The following LEKR1 variants were observed in gnomAD, a reference collection of about 807,000 sequenced individuals.
The protein encoded by LEKR1 is leucine, glutamate and lysine rich 1.
A neutral mutation model predicts 72.4 loss-of-function variants in LEKR1; 59 were observed. The observed-to-expected ratio is 0.82, with a 90% CI of 0.66 to 1.01. LEKR1 has a LOEUF of 1.01. Among genes scored for constraint, LEKR1 ranks in the 50% least tolerant of loss-of-function variants. The probability of loss-of-function intolerance (pLI) is 0.00; values close to 1 mark genes in which losing one functional copy is unlikely to be tolerated. For synonymous variants in LEKR1, 257 were observed against 263.2 expected (o/e 0.98, Z 0.23); for missense variants, 728 against 759.2 (o/e 0.96, Z 0.48).
At chr3:157,031,004 T>G (rs937293342) in intron 12 of LEKR1, among the ~76,000 whole-genome samples, 1 of 152,148 alleles carries the variant, frequency 6.6e-6, no homozygotes, top group African/African-American at 2.4e-5. Flanking sequence ...TCTGCTGTAT[T>G]CCATTTATTA....
rs1255043935 is a variant in LEKR1 at position 157,028,040 on chromosome 3, A to G, written c.1369-63A>G. 7.9e-6 allele frequency: 9 copies of G among 1,135,890 alleles called. No individual in the cohort carries two copies. The East Asian group carries it at 9.5e-5, about 12-fold the overall frequency. The allele number at this position is 1,135,890 out of a possible 1,614,324, so 70.4% of individuals were successfully genotyped here. On this transcript the variant is annotated intron_variant, in intron 11 of 12. Coordinates refer to ENST00000356539, the MANE Select transcript of LEKR1 (RefSeq NM_001004316.3). ...AATGAAAATAAACCTCTTAAAAACC[A>G]TAAGAATTCTGTGGTTACCTAGAAA... is the stretch of plus-strand genomic sequence containing the variant.
chr3:157,023,934 T>C (rs1010107731), intron 10 of LEKR1, among the ~76,000 whole-genome samples: 2 of 152,122 alleles, frequency 1.3e-5, no homozygotes, highest in East Asian at 1.9e-4. Flanking sequence ...AAGTCAAAAA[T>C]GGGTAATCTG....
chr3:156,863,222 T>C (rs1236243018), intron 3 of LEKR1, among the ~76,000 whole-genome samples: 1 of 152,014 alleles, frequency 6.6e-6, no homozygotes, highest in Non-Finnish European at 1.5e-5. Context: ...GTAATTAGGC[T>C]CTGGTGAGAA....
At chr3:157,038,908 C>G (rs1003954854) in intron 12 of LEKR1, among the ~76,000 whole-genome samples, 2 of 152,164 alleles carry the variant, frequency 1.3e-5, no homozygotes, top group African/African-American at 4.8e-5. Flanking sequence ...TCAGTTCAGT[C>G]AGATTTTATC....
At chr3:156,860,492 GA>G (rs1560031800) in intron 3 of LEKR1, among the ~76,000 whole-genome samples, 1 of 152,156 alleles carries the variant, frequency 6.6e-6, no homozygotes, top group Non-Finnish European at 1.5e-5. Context: ...TCAGCCCAAG[GA>G]TAGGGCTACC....
At chr3:156,932,618 C>T (rs770221369) in intron 5 of LEKR1, among the ~76,000 whole-genome samples, 11 of 147,490 alleles carry the variant, frequency 7.5e-5, no homozygotes, top group Non-Finnish European at 1.3e-4. Flanking sequence ...GAGGCTGAGG[C>T]ATGAGAATTG....
At chr3:156,842,184 A>G (rs1327356223) in intron 2 of LEKR1, among the ~76,000 whole-genome samples, 1 of 152,204 alleles carries the variant, frequency 6.6e-6, no homozygotes, top group East Asian at 1.9e-4. Context: ...TTAGATATAT[A>G]GCTTATAGTG....
chr3:156,839,881 A>T (rs1692340973), intron 2 of LEKR1, among the ~76,000 whole-genome samples: 1 of 152,208 alleles, frequency 6.6e-6, no homozygotes, highest in Admixed American at 6.5e-5. Flanking sequence ...AAAGCAAAAA[A>T]GTTCGACAGA....
At chr3:157,022,497 G>A (rs2108032249) in intron 10 of LEKR1, among the ~76,000 whole-genome samples, 1 of 152,198 alleles carries the variant, frequency 6.6e-6, no homozygotes, top group African/African-American at 2.4e-5. Context: ...AAAATGAATA[G>A]GATTTTGTGT....
At chr3:157,007,479 G>A (rs1560143066) in intron 9 of LEKR1, among the ~76,000 whole-genome samples, 2 of 152,200 alleles carry the variant, frequency 1.3e-5, no homozygotes, top group Admixed American at 1.3e-4. Flanking sequence ...TAGGCTTCCC[G>A]TGGGATTTCA....
At chr3:156,909,572 A>T (rs1310546649) in intron 3 of LEKR1, among the ~76,000 whole-genome samples, 1 of 148,210 alleles carries the variant, frequency 6.7e-6, no homozygotes, top group African/African-American at 2.5e-5. Context: ...AATCGTTTGA[A>T]CCCGGGAGGC....
At chr3:156,900,852 C>G (rs1250573160) in intron 3 of LEKR1, among the ~76,000 whole-genome samples, 1 of 152,134 alleles carries the variant, frequency 6.6e-6, no homozygotes, top group Non-Finnish European at 1.5e-5. Context: ...AAGTGAAGAG[C>G]ATACAATATC....
intron 3 of LEKR1, among the ~76,000 whole-genome samples, chr3:156,874,291 G>T (rs1191501541): frequency 6.6e-6 from 1 of 151,556 alleles, no homozygotes; most frequent in Non-Finnish European, 1.5e-5. Context: ...TTGTCTTTCA[G>T]TATTCTCTTT....
chr3:157,034,385 A>G (rs956600273), intron 12 of LEKR1, among the ~76,000 whole-genome samples: 2 of 152,168 alleles, frequency 1.3e-5, no homozygotes, highest in Non-Finnish European at 2.9e-5. Context: ...ATAATTACAA[A>G]AGTTTGGAAG....
At position 157,045,769 on chromosome 3, in the gene LEKR1, A is replaced by T. The variant is rs1735714386; in HGVS notation, c.*19A>T. 6.3e-7 allele frequency: 1 copy of T among 1,599,392 alleles called. No homozygotes were observed. The highest frequency in any genetic ancestry group is 8.5e-7 in the Non-Finnish European group (1 of 1,176,416). ...GCAATGATCCAAAATGAGGAGCAGG[A>T]AGCTCCCTACAGCGTGCACGCTCTT... On this transcript the variant is annotated 3_prime_UTR_variant, in exon 13 of 13. Transcript: ENST00000356539.
intron 3 of LEKR1, among the ~76,000 whole-genome samples, chr3:156,920,118 C>T (rs775912816): frequency 6.6e-6 from 1 of 152,032 alleles, no homozygotes; most frequent in Non-Finnish European, 1.5e-5. Flanking sequence ...TTTCCAGTCA[C>T]CAGAATCATG....
At chr3:156,895,439 A>T (rs1721077210) in intron 3 of LEKR1, among the ~76,000 whole-genome samples, 1 of 152,018 alleles carries the variant, frequency 6.6e-6, no homozygotes. Flanking sequence ...CATGGCAGAA[A>T]CCCCATCTCT....
chr3:156,988,243 A>G, intron 7 of LEKR1: 1 of 203,374 alleles, frequency 4.9e-6, no homozygotes, highest in Middle Eastern at 5.1e-4. Context: ...CACCACCTAC[A>G]AGTGCACATT....
At chr3:156,828,472 C>G (rs1711939784) in intron 1 of LEKR1, among the ~76,000 whole-genome samples, 2 of 152,168 alleles carry the variant, frequency 1.3e-5, no homozygotes, top group African/African-American at 4.8e-5. Flanking sequence ...TTGTCTATGC[C>G]TTCTTCCCTG....
Sources: allele counts gnomAD v4.1 joint callset (sites outside exome capture counted in the v4.1 genomes callset), GRCh38; gene constraint gnomAD v4.1.1; transcripts MANE v1.5; gene names NCBI Gene and HGNC (gene_info 2026-07-23, HGNC 2026-07-21).